Variants in SPATA9 observed in about 807,000 individuals in gnomAD.
The protein encoded by SPATA9 is spermatogenesis-associated protein 9.
SPATA9 carries 27 observed loss-of-function variants against 25.5 expected under a neutral mutation model. The ratio of observed to expected loss-of-function variants is 1.06; its 90% CI spans 0.78 to 1.46. SPATA9 has a LOEUF of 1.46. Among genes scored for constraint, SPATA9 ranks in the 40% most tolerant of loss-of-function variants. The pLI, the probability that SPATA9 is intolerant of heterozygous loss-of-function variation, is 0.00. For missense variants in SPATA9, 282 were observed against 297.5 expected, an observed-to-expected ratio of 0.95 and a Z score of 0.38; for synonymous variants, 102 against 105.7, an observed-to-expected ratio of 0.97 and a Z score of 0.21.
At chr5:95,660,750 T>C (rs1390909626) in intron 4 of SPATA9, among the ~76,000 whole-genome samples, 1 of 152,220 alleles carries the variant, frequency 6.6e-6, no homozygotes, top group Non-Finnish European at 1.5e-5. Flanking sequence ...GTCTCAGGAA[T>C]GAACGGTCTT....
At position 95,658,627 on chromosome 5, in the gene SPATA9, AT is replaced by A. The variant is rs1470084678; in HGVS notation, c.760del (p.Ile254SerfsTer7). On this transcript the variant is annotated frameshift_variant, in exon 5 of 5. Transcript: ENST00000274432. LOFTEE classifies it high-confidence loss of function. ...TCTGTTCAGTGATACCTGTATTCAG[AT>A]TTGCTCATTCATTTCAGCTGATTGG... ...FDQSAEMNEQ[I>X] 4 of 1,612,102 alleles carry A rather than the reference AT, an allele frequency of 2.5e-6. No individual in the cohort carries two copies. The highest frequency in any genetic ancestry group is 3.4e-6 in the Non-Finnish European group (4 of 1,179,156).
chr5:95,700,939 T>C (rs557009270), upstream of SPATA9, among the ~76,000 whole-genome samples: 12 of 152,342 alleles, frequency 7.9e-5, no homozygotes, highest in African/African-American at 2.9e-4. Flanking sequence ...TTCAGTTACT[T>C]AGATGAGGTG....
At chr5:95,708,066 C>G in the SPATA9 span, among the ~76,000 whole-genome samples, 3 of 142,782 alleles carry the variant, frequency 2.1e-5, no homozygotes, top group East Asian at 7.8e-4. Context: ...AGGAGAGGTC[C>G]AGCTAACTCT....
At chr5:95,680,178 C>A (rs550701979) in intron 2 of SPATA9, among the ~76,000 whole-genome samples, 1 of 152,252 alleles carries the variant, frequency 6.6e-6, no homozygotes, top group South Asian at 2.1e-4. Flanking sequence ...GATTACAGGC[C>A]TGAGCCACCG....
At chr5:95,674,157 A>G (rs1357310197) in intron 3 of SPATA9, among the ~76,000 whole-genome samples, 6 of 152,222 alleles carry the variant, frequency 3.9e-5, no homozygotes, top group Non-Finnish European at 2.9e-5. Context: ...AGAGCCTTTT[A>G]TGAATGCTGC....
chr5:95,685,719 T>A (rs1025602152), upstream of SPATA9, among the ~76,000 whole-genome samples: 6 of 152,242 alleles, frequency 3.9e-5, no homozygotes, highest in African/African-American at 1.2e-4. Flanking sequence ...TTATCTTTTT[T>A]AATTCACTTA....
At chr5:95,713,355 G>T in the SPATA9 span, among the ~76,000 whole-genome samples, 1 of 151,902 alleles carries the variant, frequency 6.6e-6, no homozygotes, top group Non-Finnish European at 1.5e-5. Flanking sequence ...GGAGGGGCCC[G>T]GTGGGAGGTG....
chr5:95,731,650 C>T, the SPATA9 span: 1 of 1,612,870 alleles, frequency 6.2e-7, no homozygotes, highest in Non-Finnish European at 8.5e-7. Flanking sequence ...CTGCTTTTCT[C>T]CGAGTCGCCG....
upstream of SPATA9, chr5:95,684,511 C>T (rs1413248232): frequency 6.6e-6 from 1 of 152,246 alleles, no homozygotes; most frequent in Non-Finnish European, 1.5e-5. Context: ...AAAAGCATTT[C>T]TCAGGCTAAT....
At chr5:95,677,324 C>A (rs1032521045) in intron 2 of SPATA9, among the ~76,000 whole-genome samples, 2 of 152,138 alleles carry the variant, frequency 1.3e-5, no homozygotes, top group Non-Finnish European at 2.9e-5. Flanking sequence ...CGCACTCTAT[C>A]TTTGTCAGAA....
At chr5:95,660,963 T>C (rs1751199843) in intron 4 of SPATA9, among the ~76,000 whole-genome samples, 1 of 136,546 alleles carries the variant, frequency 7.3e-6, no homozygotes, top group Non-Finnish European at 1.7e-5. Flanking sequence ...CTACACACTC[T>C]GTCTTCTTAG....
At chr5:95,660,150 CA>C (rs1450823135) in intron 4 of SPATA9, among the ~76,000 whole-genome samples, 1 of 152,084 alleles carries the variant, frequency 6.6e-6, no homozygotes, top group African/African-American at 2.4e-5. Context: ...AATCCGAGAT[CA>C]AGGCACTGGC....
chr5:95,680,601 C>G (rs1019014139), intron 2 of SPATA9, among the ~76,000 whole-genome samples: 1 of 152,102 alleles, frequency 6.6e-6, no homozygotes, highest in Admixed American at 6.6e-5. Flanking sequence ...ATCCTATGCC[C>G]TAATATTACT....
intron 3 of SPATA9, among the ~76,000 whole-genome samples, chr5:95,665,899 G>C (rs950622362): frequency 2.6e-5 from 4 of 151,762 alleles, no homozygotes; most frequent in African/African-American, 9.8e-5. Flanking sequence ...AATCTGGGAG[G>C]CAGAGGTTGC....
chr5:95,680,320 C>A (rs184376230), intron 2 of SPATA9, among the ~76,000 whole-genome samples: 4 of 152,234 alleles, frequency 2.6e-5, no homozygotes, highest in African/African-American at 7.2e-5. Flanking sequence ...TCACAGCAAC[C>A]ATTATTGGTG....
chr5:95,683,128 A>C (rs1207115541), upstream of SPATA9: 5 of 616,596 alleles, frequency 8.1e-6, no homozygotes, highest in African/African-American at 5.7e-5. Flanking sequence ...ATAATAAAGT[A>C]CACTAAGGAG....
intron 1 of SPATA9, among the ~76,000 whole-genome samples, chr5:95,690,271 A>G (rs138957830): frequency 6.6e-6 from 1 of 152,320 alleles, no homozygotes; most frequent in East Asian, 1.9e-4. Flanking sequence ...ATTTTTAAGA[A>G]TATATTTTTC....
upstream of SPATA9, among the ~76,000 whole-genome samples, chr5:95,683,920 C>G (rs1753648215): frequency 1.3e-5 from 2 of 152,136 alleles, no homozygotes; most frequent in Non-Finnish European, 2.9e-5. Context: ...TATTTAATTG[C>G]AGCTAGACCA....
chr5:95,729,886 A>G, the SPATA9 span, among the ~76,000 whole-genome samples: 1 of 152,240 alleles, frequency 6.6e-6, no homozygotes, highest in Non-Finnish European at 1.5e-5. Flanking sequence ...TTACATGTGT[A>G]TACCACATTT....
Sources: gnomAD v4.1 joint callset for allele counts (sites outside exome capture counted in the v4.1 genomes callset) on GRCh38, gnomAD v4.1.1 for gene constraint, MANE v1.5 for transcripts, NCBI Gene and HGNC (gene_info 2026-07-23, HGNC 2026-07-21) for gene names.